C4BPB: variants seen among roughly 807,000 people sequenced by gnomAD.
The protein encoded by C4BPB is C4b-binding protein beta chain.
Under a neutral mutation model 26.6 loss-of-function variants are expected in C4BPB, and 19 were observed. The observed-to-expected ratio is 0.71, with a 90% CI of 0.50 to 1.05. The LOEUF is 1.05. C4BPB is among the 50% of genes least tolerant of loss of function. The pLI is 0.00. For synonymous variants in C4BPB, 118 were observed against 103.5 expected (o/e 1.14, Z -0.85); for missense variants, 282 against 302.9 (o/e 0.93, Z 0.51).
At chr1:207,095,267 C>T (rs1387411337) in intron 4 of C4BPB, 15 of 456,508 alleles carry the variant, frequency 3.3e-5, no homozygotes, top group East Asian at 1.4e-4. Context: ...ACTCCTAACA[C>T]GTCATCCTGC....
At chr1:207,094,319 A>T (rs993749168) in intron 4 of C4BPB, among the ~76,000 whole-genome samples, 7 of 152,148 alleles carry the variant, frequency 4.6e-5, no homozygotes, top group Non-Finnish European at 8.8e-5. Context: ...TAAAAAAAAA[A>T]AAATGAAAAA....
intron 5 of C4BPB, 38 bp downstream of exon 5, chr1:207,096,653 C>G: frequency 8.5e-7 from 1 of 1,181,560 alleles, no homozygotes; most frequent in South Asian, 1.4e-5. Context: ...AGATCTTGCC[C>G]CTTGGCAGCA....
intron 6 of C4BPB, 48 bp downstream of exon 6, chr1:207,098,312 G>A: frequency 3.5e-6 from 4 of 1,156,188 alleles, no homozygotes; most frequent in Non-Finnish European, 5.2e-6. Flanking sequence ...GATCTCCAGG[G>A]CCTGGCATCA....
chr1:207,092,801 AT>A (rs1281737528), intron 4 of C4BPB, among the ~76,000 whole-genome samples: 1 of 151,502 alleles, frequency 6.6e-6, no homozygotes, highest in Admixed American at 6.6e-5. Flanking sequence ...TAATTTTTGT[AT>A]TTTTAGTAGA....
chr1:207,091,678 A>G lies in C4BPB; in HGVS notation c.267A>G (p.Gly89=), dbSNP rs769720121. ...GTCCTGATCCTGTGCTGGTGAATGG[A>G]GAGTTCAGTTCTTCAGGGCCTGTGA... ...GHCPDPVLVN[G]EFSSSGPVNV... Residue 89 remains glycine, a synonymous_variant, in exon 4 of 7, where the codon GGA becomes GGG. Coordinates refer to ENST00000367078, the MANE Select transcript of C4BPB (RefSeq NM_001017365.3). 6.2e-7 allele frequency: 1 copy of G among 1,613,960 alleles called. No individual in the cohort carries two copies. The highest frequency in any genetic ancestry group is 8.5e-7 in the Non-Finnish European group (1 of 1,179,990).
At chr1:207,093,388 C>T (rs1233434638) in intron 4 of C4BPB, among the ~76,000 whole-genome samples, 1 of 152,106 alleles carries the variant, frequency 6.6e-6, no homozygotes, top group East Asian at 1.9e-4. Context: ...GGAATACTTG[C>T]CGTATTAGAT....
intron 4 of C4BPB, among the ~76,000 whole-genome samples, chr1:207,094,312 AAAAAAAAAAATG>A (rs1218146970): frequency 6.6e-6 from 1 of 151,814 alleles, no homozygotes; most frequent in African/African-American, 2.4e-5. Flanking sequence ...CTGTCTCTAA[AAAAAAAAAAATG>A]AAAAAGAAAT....
At chr1:207,091,971 A>C in intron 4 of C4BPB, 151 bp downstream of exon 4, 8 of 632,706 alleles carry the variant, frequency 1.3e-5, no homozygotes, top group Non-Finnish European at 2.1e-5. Flanking sequence ...AGTGGAGCTC[A>C]CAGAACCAAA....
chr1:207,090,140 G>A (rs183765947), intron 2 of C4BPB, among the ~76,000 whole-genome samples, 168 bp from the exon 3 acceptor site: 1 of 152,256 alleles, frequency 6.6e-6, no homozygotes, highest in African/African-American at 2.4e-5. Context: ...GCGTGGTGGC[G>A]GGTGCCTGTA....
At chr1:207,096,657 G>T in intron 5 of C4BPB, 42 bp downstream of exon 5, 1 of 1,153,954 alleles carries the variant, frequency 8.7e-7, no homozygotes, top group Non-Finnish European at 1.3e-6. Flanking sequence ...CTTGCCCCTT[G>T]GCAGCATTGT....
chr1:207,089,845 A>G (rs963312508), intron 2 of C4BPB, among the ~76,000 whole-genome samples: 2 of 152,210 alleles, frequency 1.3e-5, no homozygotes, highest in Non-Finnish European at 2.9e-5. Context: ...AAGAGTACCA[A>G]TTTCAAAATC....
chr1:207,094,131 G>C lies in C4BPB; in HGVS notation c.409+2311G>C, dbSNP rs368203562. On this transcript the variant is annotated intron_variant, in intron 4 of 6. Transcript: ENST00000367078. ...CCTGAGGAAATAGCCATTTACGTCA[G>C]TGAGAGTGTAAAGTGCTATCACTAT... is the stretch of plus-strand genomic sequence containing the variant. Among the ~76,000 whole-genome samples the C allele has an allele frequency of 8.5e-4, 129 of 152,272 alleles. 1 individual carries two copies. The South Asian group carries it at 0.011, about 13-fold the overall frequency.
At position 207,089,567 on chromosome 1, in the gene C4BPB, G is replaced by C. The variant is rs188656684; in HGVS notation, c.36G>C (p.Ala12=). 3 of 1,614,036 alleles carry C rather than the reference G, an allele frequency of 1.9e-6. No individual in the cohort carries two copies. The highest frequency in any genetic ancestry group is 2.2e-5 in the East Asian group (1 of 44,878). Residue 12 remains alanine (A), a synonymous_variant, in exon 2 of 7, where the codon GCG becomes GCC. Transcript: ENST00000367078. Reference sequence around the variant, plus strand: ...GGTGTGCGTGCTGTCTTATGGTTGCGTGGCGAGTTTCTGCTTCAGATGGTA... The same window carrying C: ...GGTGTGCGTGCTGTCTTATGGTTGCCTGGCGAGTTTCTGCTTCAGATGGTA... ...FFWCACCLMV[A]WRVSASDAEH...
chr1:207,096,618 A>G lies in C4BPB; in HGVS notation c.503+3A>G, dbSNP rs758217021. The G allele has an allele frequency of 5.9e-6, 9 of 1,514,482 alleles. No individual in the cohort carries two copies. The highest frequency in any genetic ancestry group is 8.2e-6 in the Non-Finnish European group (9 of 1,097,952). The allele number at this position is 1,514,482 out of a possible 1,614,324, so 93.8% of individuals were successfully genotyped here. The stretch of plus-strand genomic sequence containing the variant: ...ATTAGTTATTACTGTGAAGACAGGT[A>G]AGTGAACACAGCCTGTCAAATGCCA... On this transcript the variant is annotated splice_donor_region_variant and intron_variant, in intron 5 of 6. Transcript: ENST00000367078.
intron 6 of C4BPB, 148 bp from the exon 7 acceptor site, chr1:207,099,641 T>C (rs1684387713): frequency 3.7e-6 from 2 of 544,658 alleles, no homozygotes; most frequent in Middle Eastern, 3.1e-4. Flanking sequence ...ATATAAATGA[T>C]TTGCCATGTT....
In C4BPB at chr1:207,090,326, T is replaced by G; in HGVS notation, c.77T>G (p.Leu26Arg). The G allele has an allele frequency of 6.2e-7, 1 of 1,613,062 alleles. No individual in the cohort carries two copies. The highest frequency in any genetic ancestry group is 2.2e-5 in the East Asian group (1 of 44,860). ...SASDAEHCPE[L>R]PPVDNSIFVA... Reference sequence around the variant, plus strand: ...CTTCCAGCAGAGCACTGTCCAGAGCTTCCTCCAGTGGACAATAGCATATTT... The same window carrying G: ...CTTCCAGCAGAGCACTGTCCAGAGCGTCCTCCAGTGGACAATAGCATATTT... The change falls in exon 3 of 7, where the codon CTT becomes CGT. Residue 26 changes from leucine (L) to arginine (R), a missense_variant. Physicochemically the swap from Leu to Arg is moderately radical, Grantham distance 102 (BLOSUM62 -2). Coordinates refer to ENST00000367078, the MANE Select transcript of C4BPB (RefSeq NM_001017365.3).
intron 3 of C4BPB, 122 bp from the exon 4 acceptor site, chr1:207,091,522 T>C: frequency 1.4e-6 from 1 of 707,362 alleles, no homozygotes; most frequent in Non-Finnish European, 2.4e-6. Flanking sequence ...CTTCACTCAA[T>C]TAAAAATGTG....
At chr1:207,096,733 C>T in intron 5 of C4BPB, 118 bp downstream of exon 5, 1 of 634,988 alleles carries the variant, frequency 1.6e-6, no homozygotes. Context: ...GGATTCTAAG[C>T]TCATTCTGAT....
chr1:207,099,017 G>T (rs551434709), intron 6 of C4BPB, among the ~76,000 whole-genome samples: 1 of 151,428 alleles, frequency 6.6e-6, no homozygotes, highest in Admixed American at 6.6e-5. Context: ...ATTCTCATCT[G>T]GGAGTGATGG....
Sources: gnomAD v4.1 joint callset for allele counts (sites outside exome capture counted in the v4.1 genomes callset) on GRCh38, gnomAD v4.1.1 for gene constraint, MANE v1.5 for transcripts, NCBI Gene and HGNC (gene_info 2026-07-23, HGNC 2026-07-21) for gene names.